The following GMDS variants were observed in gnomAD, a reference collection of about 807,000 sequenced individuals.
GMDS encodes GDP-mannose 4,6-dehydratase, also known as GDP-mannose 4,6 dehydratase.
In GMDS, 20 loss-of-function variants were observed where a neutral mutation model predicts 49.9. The observed-to-expected ratio is 0.40, with a 90% confidence interval of 0.28 to 0.58. The LOEUF (loss-of-function observed/expected upper bound fraction) is 0.58. Ranked by LOEUF, GMDS falls within the 20% of genes least tolerant of loss-of-function variation. The pLI, the probability that GMDS is intolerant of heterozygous loss-of-function variation, is 0.42. For synonymous variants in GMDS, 177 were observed against 178.6 expected, an observed-to-expected ratio of 0.99 and a Z score of 0.07; for missense variants, 362 against 481.4, an observed-to-expected ratio of 0.75 and a Z score of 2.32.
At chr6:1,660,533 G>T (rs1017512167) in intron 9 of GMDS, among the ~76,000 whole-genome samples, 3 of 151,778 alleles carry the variant, frequency 2.0e-5, no homozygotes, top group African/African-American at 7.3e-5. Context: ...GATGTAGGGG[G>T]TCACATGTGG....
At chr6:1,787,193 G>A (rs983244611) in intron 7 of GMDS, among the ~76,000 whole-genome samples, 2 of 152,158 alleles carry the variant, frequency 1.3e-5, no homozygotes, top group African/African-American at 2.4e-5. Flanking sequence ...CATTGTTCTA[G>A]TAGCAATAAA....
chr6:2,060,621 T>C (rs1771090573), intron 4 of GMDS, among the ~76,000 whole-genome samples: 1 of 151,926 alleles, frequency 6.6e-6, no homozygotes, highest in Non-Finnish European at 1.5e-5. Context: ...ATATGTAGAG[T>C]ACGTTAGATA....
Position 2,079,817 on chromosome 6 carries a change from C to A in GMDS, c.345+35954G>T, listed in dbSNP as rs1458766261. 2.6e-5 allele frequency among the ~76,000 whole-genome samples: 4 copies of A among 151,988 alleles called. No homozygotes were observed. The East Asian group carries it at 7.7e-4, about 29-fold the overall frequency. ...TTGTATATGTTTGCGGATCTTGGAG[C>A]CTCCTGTTTCTGGATATCTAAATCA... On this transcript the variant is annotated intron_variant, in intron 4 of 10. Transcript: ENST00000380815.
intron 6 of GMDS, among the ~76,000 whole-genome samples, chr6:1,949,511 G>A (rs1219802780): frequency 2.0e-5 from 3 of 152,152 alleles, no homozygotes; most frequent in Non-Finnish European, 4.4e-5. Context: ...TCTCACCTCA[G>A]GAGATGGGAG....
chr6:2,050,808 G>T (rs141609251), intron 4 of GMDS, among the ~76,000 whole-genome samples: 136 of 152,162 alleles, frequency 8.9e-4, no homozygotes, highest in African/African-American at 2.8e-3. Context: ...TGCAAAAAAG[G>T]CCTTCAACAA....
intron 9 of GMDS, among the ~76,000 whole-genome samples, chr6:1,698,127 C>T (rs1161593179): frequency 2.6e-5 from 4 of 152,248 alleles, no homozygotes; most frequent in African/African-American, 9.6e-5. Context: ...TTCCTCTCCT[C>T]AGCTGGCGCT....
intron 7 of GMDS, among the ~76,000 whole-genome samples, chr6:1,786,523 G>A (rs1396376247): frequency 6.6e-6 from 1 of 152,352 alleles, no homozygotes; most frequent in Non-Finnish European, 1.5e-5. Flanking sequence ...CAGCATCCCA[G>A]GCTGGGGCCA....
intron 7 of GMDS, among the ~76,000 whole-genome samples, chr6:1,876,199 A>C (rs1028413399): frequency 6.6e-6 from 1 of 150,590 alleles, no homozygotes; most frequent in African/African-American, 2.4e-5. Flanking sequence ...CAGAGGTTGC[A>C]GTGAGCCGAG....
chr6:1,825,500 TG>T (rs1260617433), intron 7 of GMDS, among the ~76,000 whole-genome samples: 3 of 152,200 alleles, frequency 2.0e-5, no homozygotes, highest in Non-Finnish European at 4.4e-5. Context: ...TTCTGAGAAA[TG>T]TGTCCTTAGG....
chr6:1,993,598 T>C (rs1358509229), intron 4 of GMDS, among the ~76,000 whole-genome samples: 1 of 152,244 alleles, frequency 6.6e-6, no homozygotes, highest in Non-Finnish European at 1.5e-5. Flanking sequence ...GCTCTGTTTC[T>C]ATCTCTTCAG....
intron 1 of GMDS, among the ~76,000 whole-genome samples, chr6:2,150,896 G>GA (rs1260523573): frequency 6.6e-6 from 1 of 152,042 alleles, no homozygotes; most frequent in Non-Finnish European, 1.5e-5. Context: ...ACAGCTTCTA[G>GA]CTAATTTGAA....
At chr6:2,087,223 C>T (rs1394627307) in intron 4 of GMDS, among the ~76,000 whole-genome samples, 2 of 152,176 alleles carry the variant, frequency 1.3e-5, no homozygotes. Flanking sequence ...TGTCATGATT[C>T]ATTTCTTGAT....
At chr6:2,203,253 A>C (rs1440098738) in intron 1 of GMDS, among the ~76,000 whole-genome samples, 1 of 152,178 alleles carries the variant, frequency 6.6e-6, no homozygotes, top group Non-Finnish European at 1.5e-5. Context: ...CACTTTGAGG[A>C]CATTTATTCA....
intron 7 of GMDS, among the ~76,000 whole-genome samples, chr6:1,876,397 C>A (rs1049923719): frequency 6.6e-6 from 1 of 152,152 alleles, no homozygotes; most frequent in African/African-American, 2.4e-5. Context: ...TTTATACATT[C>A]TTTAACCTAA....
At chr6:2,119,458 A>G (rs1775021675) in intron 2 of GMDS, among the ~76,000 whole-genome samples, 1 of 152,204 alleles carries the variant, frequency 6.6e-6, no homozygotes, top group South Asian at 2.1e-4. Flanking sequence ...AGGGAAAGAA[A>G]GACCTGCCAA....
chr6:1,733,443 G>C (rs958234921), intron 8 of GMDS, among the ~76,000 whole-genome samples: 11 of 152,212 alleles, frequency 7.2e-5, no homozygotes, highest in African/African-American at 2.4e-4. Context: ...TGGCAGAACA[G>C]GGGGAGAGAG....
chr6:1,768,450 T>C (rs113440113), intron 7 of GMDS, among the ~76,000 whole-genome samples: 1,671 of 152,298 alleles, frequency 0.011, 26 homozygotes, highest in African/African-American at 0.038. Context: ...ACAGATAAGA[T>C]ACTGAAGAAT....
intron 9 of GMDS, among the ~76,000 whole-genome samples, chr6:1,675,618 C>T (rs185397168): frequency 3.9e-5 from 6 of 152,036 alleles, no homozygotes; most frequent in South Asian, 2.1e-4. Context: ...TTTGGGAGGC[C>T]GAGGCGGGTG....
At chr6:1,759,149 A>AGG (rs1768067829) in intron 7 of GMDS, among the ~76,000 whole-genome samples, 1 of 152,196 alleles carries the variant, frequency 6.6e-6, no homozygotes, top group Non-Finnish European at 1.5e-5. Context: ...ACTGGTGCCC[A>AGG]GGAGAATGTG....
Sources: gnomAD v4.1 joint callset for allele counts (sites outside exome capture counted in the v4.1 genomes callset) on GRCh38, gnomAD v4.1.1 for gene constraint, MANE v1.5 for transcripts, NCBI Gene and HGNC (gene_info 2026-07-23, HGNC 2026-07-21) for gene names.